Variants in PNPLA7 observed in about 807,000 individuals in gnomAD.
PNPLA7 encodes patatin-like phospholipase domain-containing protein 7.
Under a neutral mutation model 161.7 loss-of-function variants are expected in PNPLA7, and 153 were observed. The ratio of observed to expected loss-of-function variants is 0.95; its 90% CI spans 0.83 to 1.08. The LOEUF (loss-of-function observed/expected upper bound fraction) is 1.08, where lower values mean the gene tolerates loss of function less well. Among genes scored for constraint, PNPLA7 ranks in the 50% least tolerant of loss-of-function variants. The pLI is 0.00. For missense variants in PNPLA7, 1,739 were observed against 1,856.6 expected (o/e 0.94, Z 1.16); for synonymous variants, 809 against 782.1 (o/e 1.03, Z -0.57).
intron 4 of PNPLA7, among the ~76,000 whole-genome samples, chr9:137,545,154 A>T (rs1281952430): frequency 1.3e-5 from 2 of 152,070 alleles, no homozygotes; most frequent in Non-Finnish European, 2.9e-5. Flanking sequence ...GAAGGGTTAA[A>T]CCAAGGCTGC....
At chr9:137,483,569 C>T (rs1832329238) in intron 21 of PNPLA7, among the ~76,000 whole-genome samples, 1 of 152,180 alleles carries the variant, frequency 6.6e-6, no homozygotes, top group African/African-American at 2.4e-5. Context: ...ATTCTCCTGC[C>T]TCAGCCTCCC....
intron 25 of PNPLA7, among the ~76,000 whole-genome samples, chr9:137,469,064 CA>C (rs1335575533): frequency 1.3e-5 from 2 of 152,020 alleles, no homozygotes; most frequent in Non-Finnish European, 2.9e-5. Context: ...AAAACAAAAA[CA>C]AAAACCCAAG....
At chr9:137,492,923 C>A in intron 20 of PNPLA7, 90 bp downstream of exon 20, 1 of 794,474 alleles carries the variant, frequency 1.3e-6, no homozygotes, top group Non-Finnish European at 1.6e-6. Context: ...GGGCCATGGG[C>A]TGGGAGGGCG....
intron 23 of PNPLA7, 129 bp from the exon 24 acceptor site, chr9:137,479,367 C>G: frequency 7.4e-7 from 1 of 1,354,880 alleles, no homozygotes; most frequent in Non-Finnish European, 9.5e-7. Context: ...TGCAAAGCAA[C>G]TTGGCTGTGG....
chr9:137,484,525 C>T, intron 21 of PNPLA7, 62 bp downstream of exon 21: 1 of 1,493,368 alleles, frequency 6.7e-7, no homozygotes. Flanking sequence ...GGGCAGCCGG[C>T]AGGCGCCCTC....
At position 137,462,689 on chromosome 9, in the gene PNPLA7, A is replaced by G; in HGVS notation, c.3488T>C (p.Val1163Ala). 2.5e-6 allele frequency: 4 copies of G among 1,613,592 alleles called. No homozygotes were observed. Among genetic ancestry groups the G allele is most frequent in the Non-Finnish European group, 3.4e-6 (4 of 1,179,880 alleles). The part of the protein sequence containing the change: ...WKRWNPLATK[V>A]KVLNMAEIQT... ...GCCTGCCCGGTAGCACCCCACCTTG[A>G]CTTTCGTGGCCAAGGGGTTCCAGCG... Residue 1163 changes from valine to alanine, a missense_variant, in exon 30 of 35, where the codon GTC (valine) becomes GCC (alanine). Physicochemically the swap from Val to Ala is moderately conservative, Grantham distance 64. Around this residue, in one of 6 missense-constraint regions of PNPLA7, gnomAD observed 703 missense variants for 694.6 expected, o/e 1.01. Coordinates refer to ENST00000406427, the MANE Select transcript of PNPLA7 (RefSeq NM_001098537.3).
In PNPLA7 at chr9:137,515,580, C is replaced by T. The variant is rs1005224376; in HGVS notation, c.1085-61G>A. 29 of 1,464,796 alleles carry T rather than the reference C, an allele frequency of 2.0e-5. No individual in the cohort carries two copies. In the African/African-American group the frequency reaches 3.0e-4, roughly 15 times the overall value. The allele number at this position is 1,464,796 out of a possible 1,614,324, so 90.7% of individuals were successfully genotyped here. On this transcript the variant is annotated intron_variant, in intron 11 of 34. Transcript: ENST00000406427. ...ACGCACTCCCTGGTGTCTGGTGCAG[C>T]CCATTCGGGGCCACGCAGGGAGCAG...
At chr9:137,481,048 G>A in intron 21 of PNPLA7, 25 bp from the exon 22 acceptor site, 3 of 1,551,406 alleles carry the variant, frequency 1.9e-6, no homozygotes, top group Non-Finnish European at 1.7e-6. Context: ...ACCAGTAACG[G>A]AGCCTGCCTG....
At chr9:137,480,736 C>A (rs1018170673) in intron 22 of PNPLA7, 10 of 719,884 alleles carry the variant, frequency 1.4e-5, no homozygotes, top group Non-Finnish European at 2.3e-5. Context: ...GCTGCCCAGG[C>A]GGGAAGCGGG....
intron 30 of PNPLA7, 154 bp downstream of exon 30, chr9:137,462,531 G>C: frequency 7.2e-7 from 1 of 1,391,244 alleles, no homozygotes. Context: ...GCCTTCCTTC[G>C]CCCGAGTTGG....
chr9:137,524,672 T>C lies in PNPLA7; in HGVS notation c.748-1815A>G, dbSNP rs1835208497. ...CCTACAGCGGCTGCCGTGCTTTGCA[T>C]TCTCACCAGCGGTGAGTGAGTTTCC... On this transcript the variant is annotated intron_variant, in intron 8 of 34. Transcript: ENST00000406427. This position sits in a 1 kb window ranked among gnomAD's most constrained non-coding sequence, Gnocchi z 4.4. 6.6e-6 allele frequency among the ~76,000 whole-genome samples: 1 copy of C among 152,256 alleles called. No homozygotes were observed. The highest frequency in any genetic ancestry group is 1.5e-5 in the Non-Finnish European group (1 of 68,040).
chr9:137,489,400 A>G (rs553389659), intron 20 of PNPLA7, among the ~76,000 whole-genome samples: 86 of 152,360 alleles, frequency 5.6e-4, no homozygotes, highest in Middle Eastern at 3.4e-3. Context: ...CCAGAGTCTC[A>G]TAGCCTAACA....
rs563082616 is a variant in PNPLA7, at chr9:137,467,715, G to A, written c.2883-242C>T. 2.6e-5 allele frequency among the ~76,000 whole-genome samples: 4 copies of A among 152,290 alleles called. No individual in the cohort carries two copies. In the East Asian group the frequency reaches 7.7e-4, roughly 29 times the overall value. ...GAGTTCGAGACCAGCCTGGCCAACAGGGCAAAATTCCATCTCTACTAAAAA... is the reference window on the plus strand; with the variant it reads ...GAGTTCGAGACCAGCCTGGCCAACAAGGCAAAATTCCATCTCTACTAAAAA... On this transcript the variant is annotated intron_variant, in intron 25 of 34. Transcript: ENST00000406427. The surrounding 1 kb of genome is among the most constrained non-coding windows in gnomAD (Gnocchi z 5.1).
Position 137,541,645 on chromosome 9 carries a change from C to T in PNPLA7, c.667-923G>A, listed in dbSNP as rs1836209353. 8.7e-6 allele frequency: 2 copies of T among 230,062 alleles called. No homozygotes were observed. The highest frequency in any genetic ancestry group is 1.4e-5 in the Non-Finnish European group (2 of 139,434). 14.3% of individuals were successfully genotyped at this position (230,062 alleles called of 1,614,324 possible). A position where few individuals can be genotyped will look rare whatever the true frequency, so the allele number is the denominator to read the frequency against. The stretch of plus-strand genomic sequence containing the variant: ...ACTGCCCAGACAGACAAAGCCACAC[C>T]ACCCTCCAGGAGAGCAACACAGCGC... On this transcript the variant is annotated intron_variant, in intron 7 of 34. Transcript: ENST00000406427. The surrounding 1 kb of genome is among the most constrained non-coding windows in gnomAD (Gnocchi z 4.4).
At position 137,500,078 on chromosome 9, in the gene PNPLA7, C is replaced by T. The variant is rs1202266403; in HGVS notation, c.1757+613G>A. Among the ~76,000 whole-genome samples the T allele has an allele frequency of 6.6e-6, 1 of 152,238 alleles. No homozygotes were observed. Among genetic ancestry groups the T allele is most frequent in the Non-Finnish European group, 1.5e-5 (1 of 68,046 alleles). On this transcript the variant is annotated intron_variant, in intron 16 of 34. Transcript: ENST00000406427. This position sits in a 1 kb window ranked among gnomAD's most constrained non-coding sequence, Gnocchi z 5.5. The stretch of plus-strand genomic sequence containing the variant: ...GCTCTGCCAGGCAGCCACAGGCGGG[C>T]CGAGGGCAGCTCTGGGCCTGGAGGG...
At chr9:137,539,648 A>G (rs185384223) in intron 8 of PNPLA7, among the ~76,000 whole-genome samples, 1 of 152,334 alleles carries the variant, frequency 6.6e-6, no homozygotes, top group East Asian at 1.9e-4. Context: ...GCGACAGAGC[A>G]AGACCCAGCC....
At chr9:137,542,411 C>T (rs557257500) in intron 7 of PNPLA7, among the ~76,000 whole-genome samples, 233 of 152,252 alleles carry the variant, frequency 1.5e-3, no homozygotes, top group Admixed American at 3.6e-3. Flanking sequence ...GTCCAGGCCT[C>T]AGTGAGCTGA....
intron 26 of PNPLA7, among the ~76,000 whole-genome samples, chr9:137,466,255 T>G (rs1441935041): frequency 6.6e-6 from 1 of 152,196 alleles, no homozygotes; most frequent in Non-Finnish European, 1.5e-5. Flanking sequence ...ACAGTCAGCT[T>G]CTTTTCCACA....
chr9:137,498,044 C>T (rs1281331910), intron 17 of PNPLA7, 70 bp downstream of exon 17: 3 of 1,571,864 alleles, frequency 1.9e-6, no homozygotes, highest in Non-Finnish European at 2.6e-6. Flanking sequence ...GGTAACCGTG[C>T]TTTGCCCATC....
Sources: gnomAD v4.1 joint callset for allele counts (sites outside exome capture counted in the v4.1 genomes callset) on GRCh38, gnomAD v4.1.1 for gene constraint, gnomAD v4.1.1 regional missense constraint, Gnocchi (gnomAD v3.1) non-coding constraint, MANE v1.5 for transcripts, NCBI Gene and HGNC (gene_info 2026-07-23, HGNC 2026-07-21) for gene names.